The following POU6F2 variants were observed in gnomAD, a reference collection of about 807,000 sequenced individuals.
The protein encoded by POU6F2 is POU class 6 homeobox 2.
POU6F2 carries 31 observed loss-of-function variants against 71.3 expected under a neutral mutation model. That is an observed-to-expected ratio of 0.43 (90% CI 0.33 to 0.59). The LOEUF is 0.59. Ranked by LOEUF, POU6F2 falls within the 20% of genes least tolerant of loss-of-function variation. The probability of loss-of-function intolerance (pLI) is 0.04; values close to 1 mark genes in which losing one functional copy is unlikely to be tolerated. For missense variants in POU6F2, 783 were observed against 856.8 expected (o/e 0.91, Z 1.07); for synonymous variants, 347 against 355.7 (o/e 0.98, Z 0.27).
At chr7:39,194,688 C>T (rs536418346) in intron 2 of POU6F2, among the ~76,000 whole-genome samples, 86 of 152,336 alleles carry the variant, frequency 5.6e-4, no homozygotes, top group African/African-American at 1.1e-3. Flanking sequence ...TCCCCTTCTA[C>T]GCTGTGGGAT....
chr7:39,144,251 T>C (rs760103295), intron 2 of POU6F2, among the ~76,000 whole-genome samples: 9 of 152,218 alleles, frequency 5.9e-5, no homozygotes, highest in Non-Finnish European at 1.3e-4. Flanking sequence ...AGTATTGAGA[T>C]CTTATCATCA....
At chr7:39,011,485 A>C (rs1789282945) in intron 1 of POU6F2, among the ~76,000 whole-genome samples, 1 of 144,882 alleles carries the variant, frequency 6.9e-6, no homozygotes, top group Admixed American at 6.9e-5. Flanking sequence ...CCAATTTGCC[A>C]GTCTGTGTCT....
At chr7:39,333,161 A>G (rs756747283) in intron 4 of POU6F2, among the ~76,000 whole-genome samples, 7 of 152,278 alleles carry the variant, frequency 4.6e-5, no homozygotes, top group Admixed American at 6.5e-5. Flanking sequence ...GTAGTCCTGC[A>G]TAGCTTCTAC....
At chr7:39,021,785 A>C (rs143509749) in intron 1 of POU6F2, among the ~76,000 whole-genome samples, 141 of 152,218 alleles carry the variant, frequency 9.3e-4, no homozygotes, top group African/African-American at 3.2e-3. Flanking sequence ...CATGGGAATA[A>C]AATTCCAGGG....
At chr7:39,086,461 A>G (rs184546338) in intron 2 of POU6F2, among the ~76,000 whole-genome samples, 6 of 152,274 alleles carry the variant, frequency 3.9e-5, no homozygotes, top group African/African-American at 1.4e-4. Context: ...GGAGAGGAGA[A>G]CTGAAAAATA....
chr7:39,143,283 A>G (rs892221616), intron 2 of POU6F2, among the ~76,000 whole-genome samples: 1 of 152,200 alleles, frequency 6.6e-6, no homozygotes, highest in Non-Finnish European at 1.5e-5. Flanking sequence ...GTTAAGCACT[A>G]TTCTCTTTGT....
chr7:38,981,198 A>G (rs1212429568), intron 1 of POU6F2, among the ~76,000 whole-genome samples: 2 of 152,128 alleles, frequency 1.3e-5, no homozygotes, highest in African/African-American at 4.8e-5. Flanking sequence ...TCAGTTTCTG[A>G]TCGTTGGTTT....
intron 1 of POU6F2, among the ~76,000 whole-genome samples, chr7:39,026,860 G>A (rs760705772): frequency 3.9e-4 from 60 of 152,010 alleles, no homozygotes; most frequent in Non-Finnish European, 1.8e-4. Flanking sequence ...TATGATGATG[G>A]AGTAACCTAG....
intron 4 of POU6F2, among the ~76,000 whole-genome samples, chr7:39,228,263 A>G (rs571761636): frequency 1.3e-5 from 2 of 152,302 alleles, no homozygotes; most frequent in East Asian, 1.9e-4. Context: ...TTCTATCCCA[A>G]TTTAATATAA....
chr7:38,992,917 G>T (rs1339469222), intron 1 of POU6F2, among the ~76,000 whole-genome samples: 1 of 152,090 alleles, frequency 6.6e-6, no homozygotes, highest in African/African-American at 2.4e-5. Context: ...GGCCACAGAA[G>T]AGTATGTTAA....
At chr7:39,053,954 T>G (rs1441526868) in intron 1 of POU6F2, among the ~76,000 whole-genome samples, 1 of 151,806 alleles carries the variant, frequency 6.6e-6, no homozygotes, top group Non-Finnish European at 1.5e-5. Flanking sequence ...AATACAAAAA[T>G]TAGCCAGGCG....
intron 4 of POU6F2, among the ~76,000 whole-genome samples, chr7:39,327,477 A>G (rs1239139527): frequency 1.3e-5 from 2 of 152,108 alleles, no homozygotes; most frequent in African/African-American, 4.8e-5. Flanking sequence ...GTAAAGAAGA[A>G]TATCAATAGG....
intron 1 of POU6F2, among the ~76,000 whole-genome samples, chr7:39,060,414 T>G (rs2128715914): frequency 6.6e-6 from 1 of 152,302 alleles, no homozygotes; most frequent in South Asian, 2.1e-4. Flanking sequence ...ATTGTGAATA[T>G]ACTAAAAACA....
chr7:39,446,559 G>A (rs939769136), intron 7 of POU6F2, among the ~76,000 whole-genome samples: 1 of 152,176 alleles, frequency 6.6e-6, no homozygotes, highest in Admixed American at 6.5e-5. Flanking sequence ...GGGGATCAGT[G>A]GCACAGAAAA....
intron 2 of POU6F2, among the ~76,000 whole-genome samples, chr7:39,200,659 G>C (rs1793879331): frequency 6.6e-6 from 1 of 152,044 alleles, no homozygotes; most frequent in Non-Finnish European, 1.5e-5. Flanking sequence ...AATATGAATT[G>C]AGTTGACTTG....
At chr7:39,198,893 T>C (rs555909195) in intron 2 of POU6F2, among the ~76,000 whole-genome samples, 1 of 152,370 alleles carries the variant, frequency 6.6e-6, no homozygotes, top group East Asian at 1.9e-4. Context: ...TTTGCTCTGC[T>C]TAGCTGGGAT....
At chr7:39,225,931 G>A (rs1018210703) in intron 4 of POU6F2, among the ~76,000 whole-genome samples, 1 of 151,230 alleles carries the variant, frequency 6.6e-6, no homozygotes, top group Non-Finnish European at 1.5e-5. Flanking sequence ...TCTCATGCCA[G>A]GTTTTAATGT....
At chr7:39,450,042 G>A (rs1001892947) in intron 7 of POU6F2, among the ~76,000 whole-genome samples, 19 of 152,186 alleles carry the variant, frequency 1.2e-4, no homozygotes, top group Non-Finnish European at 1.0e-4. Context: ...TTTCACGTGT[G>A]TACACATTTG....
chr7:38,995,936 A>G (rs1788722285), intron 1 of POU6F2, among the ~76,000 whole-genome samples: 1 of 151,732 alleles, frequency 6.6e-6, no homozygotes, highest in Non-Finnish European at 1.5e-5. Context: ...CAGTACTTAA[A>G]CTTTCCTTGT....
Sources: gnomAD v4.1 joint callset for allele counts (sites outside exome capture counted in the v4.1 genomes callset) on GRCh38, gnomAD v4.1.1 for gene constraint, MANE v1.5 for transcripts, NCBI Gene and HGNC (gene_info 2026-07-23, HGNC 2026-07-21) for gene names.